Variants in ADNP observed in about 807,000 individuals in gnomAD.
The protein encoded by ADNP is activity dependent neuroprotector homeobox, also known as activity-dependent neuroprotector homeobox protein.
In ADNP, 4 loss-of-function variants were observed where a neutral mutation model predicts 84.9. The ratio of observed to expected loss-of-function variants is 0.05; its 90% confidence interval spans 0.02 to 0.11. The LOEUF is 0.11. Among genes scored for constraint, ADNP ranks in the 10% least tolerant of loss-of-function variants. ADNP has a pLI of 1.00. For missense variants in ADNP, 1,132 were observed against 1,326.0 expected (o/e 0.85, Z 2.27); for synonymous variants, 554 against 468.1 (o/e 1.18, Z -2.37).
intron 2 of ADNP, among the ~76,000 whole-genome samples, chr20:50,921,948 A>T (rs1210348076): frequency 6.6e-6 from 1 of 152,200 alleles, no homozygotes; most frequent in East Asian, 1.9e-4. Flanking sequence ...TATTGCAGCA[A>T]GGCAGGGACA....
chr20:50,925,289 C>A (rs1405184515), intron 2 of ADNP, among the ~76,000 whole-genome samples: 39 of 150,942 alleles, frequency 2.6e-4, no homozygotes, highest in Non-Finnish European at 5.9e-5. Flanking sequence ...CACACACACA[C>A]ACTACATAAT....
chr20:50,903,095 T>C (rs1433045595), intron 4 of ADNP, among the ~76,000 whole-genome samples: 1 of 152,210 alleles, frequency 6.6e-6, no homozygotes, highest in African/African-American at 2.4e-5. Context: ...TGCAAAACAC[T>C]GTGCTAGGTG....
In ADNP at chr20:50,914,059, C is replaced by G. The variant is rs941314477; in HGVS notation, c.-89-9210G>C. 4 of 744,632 alleles carry G rather than the reference C, an allele frequency of 5.4e-6. No homozygotes were observed. The African/African-American group carries it at 6.9e-5, about 13-fold the overall frequency. 46.1% of individuals were successfully genotyped at this position (744,632 alleles called of 1,614,324 possible). Reference sequence around the variant, plus strand: ...TCAAAATGGCTCTACTCCCCTACATCATGCAGCTTCCAAAAACAGGCATGA... The same window carrying G: ...TCAAAATGGCTCTACTCCCCTACATGATGCAGCTTCCAAAAACAGGCATGA... On this transcript the variant is annotated intron_variant, in intron 2 of 5. Transcript: ENST00000621696.
intron 5 of ADNP, among the ~76,000 whole-genome samples, chr20:50,900,835 A>C (rs982306745): frequency 1.3e-5 from 2 of 152,366 alleles, no homozygotes; most frequent in East Asian, 1.9e-4. Flanking sequence ...GATCAAAAGA[A>C]AGACTGATTT....
chr20:50,924,884 T>C (rs1045423641), intron 2 of ADNP, among the ~76,000 whole-genome samples: 1 of 152,216 alleles, frequency 6.6e-6, no homozygotes, highest in Non-Finnish European at 1.5e-5. Context: ...ATTAAATCTT[T>C]AACTTAAATC....
chr20:50,922,287 G>C (rs543988393), intron 2 of ADNP, among the ~76,000 whole-genome samples: 2 of 152,076 alleles, frequency 1.3e-5, no homozygotes, highest in African/African-American at 4.8e-5. Flanking sequence ...CAAGATGGGG[G>C]CTCAGTCCCC....
intron 5 of ADNP, among the ~76,000 whole-genome samples, chr20:50,896,523 C>T (rs1306334150): frequency 6.6e-6 from 1 of 152,112 alleles, no homozygotes; most frequent in African/African-American, 2.4e-5. Flanking sequence ...CGTGCCATTG[C>T]ACTCCAGCCT....
intron 2 of ADNP, among the ~76,000 whole-genome samples, chr20:50,920,257 AC>A (rs1405389671): frequency 1.3e-5 from 1 of 79,650 alleles, no homozygotes; most frequent in African/African-American, 6.5e-5. Context: ...GCGAGATTCC[AC>A]CTCCAAAAAA....
At chr20:50,908,590 T>A (rs575775613) in intron 2 of ADNP, among the ~76,000 whole-genome samples, 62 of 151,848 alleles carry the variant, frequency 4.1e-4, no homozygotes, top group Non-Finnish European at 7.5e-4. Context: ...CTGGCTAACA[T>A]GGTGAAACCC....
At chr20:50,913,227 T>C (rs1002430043) in intron 2 of ADNP, among the ~76,000 whole-genome samples, 6 of 103,084 alleles carry the variant, frequency 5.8e-5, no homozygotes, top group African/African-American at 1.9e-4. Context: ...CACTCCAACC[T>C]GGGCAAGAGT....
At chr20:50,907,722 G>A (rs1349730024) in intron 2 of ADNP, among the ~76,000 whole-genome samples, 1 of 151,762 alleles carries the variant, frequency 6.6e-6, no homozygotes, top group African/African-American at 2.4e-5. Flanking sequence ...TGGGACTACA[G>A]GTGCACACTA....
chr20:50,930,384 G>C (rs1984614176), intron 1 of ADNP, among the ~76,000 whole-genome samples: 3 of 150,758 alleles, frequency 2.0e-5, no homozygotes, highest in Non-Finnish European at 4.4e-5. Context: ...CCCCAGGTAA[G>C]GGTGGGCAGA....
At chr20:50,909,816 T>C (rs906768405) in intron 2 of ADNP, 4 of 152,168 alleles carry the variant, frequency 2.6e-5, no homozygotes, top group African/African-American at 9.7e-5. Flanking sequence ...TAATGACCAG[T>C]AGAGTTGGAC....
chr20:50,904,039 G>T, intron 3 of ADNP, 38 bp from the exon 4 acceptor site: 1 of 1,442,152 alleles, frequency 6.9e-7, no homozygotes, highest in South Asian at 1.2e-5. Context: ...GTCAAAACAC[G>T]TACAACTTGT....
In ADNP at chr20:50,902,428, G is replaced by A. The variant is rs557371832; in HGVS notation, c.109-319C>T. ...TCATTAGAGTACTGTACTCTAACTC[G>A]TCAGTTACAGTACTGGAATGGTGTC... On this transcript the variant is annotated intron_variant, in intron 4 of 5. Coordinates refer to ENST00000621696, the MANE Select transcript of ADNP (RefSeq NM_001282531.3). Among the ~76,000 whole-genome samples, 5 of 152,138 alleles carry A rather than the reference G, an allele frequency of 3.3e-5. No individual in the cohort carries two copies. In the East Asian group the frequency reaches 5.8e-4, roughly 18 times the overall value.
At position 50,889,465 on chromosome 20, in the gene ADNP, C is replaced by T. The variant is rs974971383; in HGVS notation, c.*1940G>A. On this transcript the variant is annotated 3_prime_UTR_variant, in exon 6 of 6. Transcript: ENST00000621696. ...TATAACAACAGATGCAACATAGCTC[C>T]GTTCCAGCCCCAAATTCCTTAAAGG... 7.4e-5 allele frequency: 12 copies of T among 162,104 alleles called. No homozygotes were observed. The highest frequency in any genetic ancestry group is 2.1e-4 in the African/African-American group (9 of 41,978). 10.0% of individuals were successfully genotyped at this position (162,104 alleles called of 1,614,324 possible).
chr20:50,894,620 C>G, intron 5 of ADNP, 108 bp from the exon 6 acceptor site: 1 of 1,246,214 alleles, frequency 8.0e-7, no homozygotes, highest in Non-Finnish European at 1.1e-6. Context: ...TTAGGCCGCG[C>G]GTGGTGGCTC....
At chr20:50,920,061 G>GA (rs200971956) in intron 2 of ADNP, among the ~76,000 whole-genome samples, 2,216 of 148,824 alleles carry the variant, frequency 0.015, 54 homozygotes, top group African/African-American at 0.051. Context: ...GGCAGATCAC[G>GA]AAGTCAGGAG....
chr20:50,911,375 C>T (rs940488940), intron 2 of ADNP, among the ~76,000 whole-genome samples: 4 of 152,288 alleles, frequency 2.6e-5, no homozygotes, highest in African/African-American at 7.2e-5. Flanking sequence ...TTTCCGCATA[C>T]GGTGAGAGAT....
Sources: gnomAD v4.1 joint callset for allele counts (sites outside exome capture counted in the v4.1 genomes callset) on GRCh38, gnomAD v4.1.1 for gene constraint, MANE v1.5 for transcripts, NCBI Gene and HGNC (gene_info 2026-07-23, HGNC 2026-07-21) for gene names.